SCLT1: variants seen among roughly 807,000 people sequenced by gnomAD.
The protein encoded by SCLT1 is sodium channel-associated protein 1.
SCLT1 carries 78 observed loss-of-function variants against 112.8 expected under a neutral mutation model. The ratio of observed to expected loss-of-function variants is 0.69; its 90% confidence interval spans 0.58 to 0.83. The LOEUF (loss-of-function observed/expected upper bound fraction) is 0.83. SCLT1 is among the 40% of genes least tolerant of loss of function. The pLI, the probability that SCLT1 is intolerant of heterozygous loss-of-function variation, is 0.00. For synonymous variants in SCLT1, 257 were observed against 254.7 expected, an observed-to-expected ratio of 1.01 and a Z score of -0.09; for missense variants, 747 against 770.4, an observed-to-expected ratio of 0.97 and a Z score of 0.36.
chr4:128,989,338 A>G (rs2126064834), intron 9 of SCLT1, among the ~76,000 whole-genome samples: 1 of 152,030 alleles, frequency 6.6e-6, no homozygotes, highest in Non-Finnish European at 1.5e-5. Flanking sequence ...TGAAAACCAC[A>G]CAAACAAGGA....
At chr4:128,958,405 A>G (rs1215349621) in intron 12 of SCLT1, among the ~76,000 whole-genome samples, 1 of 152,112 alleles carries the variant, frequency 6.6e-6, no homozygotes, top group Non-Finnish European at 1.5e-5. Context: ...GAAGATGGGA[A>G]CCCTCTAGCA....
chr4:129,086,760 G>T (rs1470600183), intron 1 of SCLT1, among the ~76,000 whole-genome samples: 1 of 152,044 alleles, frequency 6.6e-6, no homozygotes, highest in Non-Finnish European at 1.5e-5. Context: ...AAACAAACTG[G>T]GAAGCAGTCA....
At chr4:128,913,163 G>A (rs865958562) in intron 18 of SCLT1, among the ~76,000 whole-genome samples, 12 of 152,182 alleles carry the variant, frequency 7.9e-5, no homozygotes, top group African/African-American at 2.7e-4. Flanking sequence ...GCATTCTGTT[G>A]TTGTGGAAAA....
In SCLT1 at chr4:128,892,687, T is replaced by A. The variant is rs958745173; in HGVS notation, c.1830-1550A>T. Among the ~76,000 whole-genome samples, 3 of 152,222 alleles carry A rather than the reference T, an allele frequency of 2.0e-5. No individual in the cohort carries two copies. The South Asian group carries it at 6.2e-4, about 31-fold the overall frequency. On this transcript the variant is annotated intron_variant, in intron 18 of 20. Coordinates refer to ENST00000281142, the MANE Select transcript of SCLT1 (RefSeq NM_144643.4). Reference sequence around the variant, plus strand: ...ATACAAATAGTTACTGAACATTCGTTACAGGCCAGGTGCAAGGTATGTGGT... The same window carrying A: ...ATACAAATAGTTACTGAACATTCGTAACAGGCCAGGTGCAAGGTATGTGGT...
chr4:128,951,288 A>G (rs1341556868), intron 14 of SCLT1, among the ~76,000 whole-genome samples: 1 of 152,116 alleles, frequency 6.6e-6, no homozygotes, highest in Non-Finnish European at 1.5e-5. Context: ...TATTTTTAAC[A>G]TAATACTTCA....
intron 15 of SCLT1, among the ~76,000 whole-genome samples, chr4:128,947,942 C>T (rs1246025566): frequency 2.0e-5 from 3 of 152,030 alleles, no homozygotes; most frequent in African/African-American, 7.2e-5. Flanking sequence ...AGTGAAATTT[C>T]GTAGGATGAG....
chr4:129,015,094 G>C (rs1744871697), intron 5 of SCLT1, among the ~76,000 whole-genome samples: 1 of 152,116 alleles, frequency 6.6e-6, no homozygotes, highest in Non-Finnish European at 1.5e-5. Flanking sequence ...TGGCAGGGTG[G>C]GACTGGCTGG....
At chr4:129,052,834 T>TTG (rs1748940772) in intron 2 of SCLT1, among the ~76,000 whole-genome samples, 1 of 152,194 alleles carries the variant, frequency 6.6e-6, no homozygotes, top group Non-Finnish European at 1.5e-5. Flanking sequence ...GTGTCAATTT[T>TTG]ACATTTTTCT....
intron 2 of SCLT1, among the ~76,000 whole-genome samples, chr4:129,053,556 G>T (rs1297167482): frequency 1.9e-4 from 6 of 32,418 alleles, no homozygotes; most frequent in African/African-American, 7.7e-4. Context: ...TGCAATCCCT[G>T]ATTTTTTTTT....
intron 5 of SCLT1, among the ~76,000 whole-genome samples, chr4:129,009,176 T>C (rs1279773931): frequency 2.0e-5 from 3 of 152,150 alleles, no homozygotes; most frequent in African/African-American, 7.2e-5. Context: ...TCGTTATATA[T>C]CCAGTGATGG....
chr4:128,952,839 A>G lies in SCLT1; in HGVS notation c.1148T>C (p.Val383Ala), dbSNP rs781074061. ...QDATIRTKKE[V>A]ANTKKQCNIQ... is the part of the protein sequence containing the mutation. ...ATTACATTGTTTTTTGGTGTTTGCA[A>G]CCTGTAAATTAAGACATTTACTCAT... The change falls in exon 14 of 21, where the codon GTT becomes GCT. Residue 383 changes from valine to alanine, a missense_variant and splice_region_variant. This residue lies in a region of SCLT1 where 723 missense variants were observed against 721.3 expected (regional missense o/e 1.00). Transcript: ENST00000281142. The G allele has an allele frequency of 5.4e-6, 8 of 1,482,216 alleles. No individual in the cohort carries two copies. Among genetic ancestry groups the G allele is most frequent in the Non-Finnish European group, 7.5e-6 (8 of 1,060,116 alleles). The allele number at this position is 1,482,216 out of a possible 1,614,324, so 91.8% of individuals were successfully genotyped here.
chr4:129,044,972 T>A (rs74716392), intron 2 of SCLT1, among the ~76,000 whole-genome samples: 1 of 152,010 alleles, frequency 6.6e-6, no homozygotes, highest in South Asian at 2.1e-4. Flanking sequence ...CAGAAATAGA[T>A]TCAAGCATTT....
intron 5 of SCLT1, among the ~76,000 whole-genome samples, chr4:129,008,364 T>C (rs1443186662): frequency 2.6e-5 from 4 of 152,218 alleles, no homozygotes; most frequent in Non-Finnish European, 5.9e-5. Context: ...TGTCTCTCGA[T>C]TTCTATCACA....
In SCLT1 at chr4:128,997,904, T is replaced by C. The variant is rs745637861; in HGVS notation, c.585A>G (p.Gln195=). The C allele has an allele frequency of 5.3e-6, 8 of 1,514,542 alleles. No homozygotes were observed. The Admixed American group carries it at 1.2e-4, about 22-fold the overall frequency. The allele number at this position is 1,514,542 out of a possible 1,614,324, so 93.8% of individuals were successfully genotyped here. ...QLFDFQQLTK[Q]LHVTNENMEV... ...CCATGTTCTCATTAGTAACATGAAG[T>C]TGTTTGGTCAGTTGTTGAAAATCAA... Residue 195 remains glutamine, a synonymous_variant, in exon 8 of 21, where the codon CAA becomes CAG. Coordinates refer to ENST00000281142, the MANE Select transcript of SCLT1 (RefSeq NM_144643.4).
chr4:128,884,526 G>A lies in SCLT1; in HGVS notation c.2018C>T (p.Thr673Ile), dbSNP rs772537895. Residue 673 changes from threonine to isoleucine, a missense_variant, in exon 21 of 21, where the codon ACA (threonine) becomes ATA (isoleucine). Transcript: ENST00000281142. ...ASASQQLSVI[T>I]VQRRKAASLM... ...GGAGGCTGCTTTTCTTCTCTGCACT[G>A]TAATCACACTGAGCTGCAATTAAAA... is the stretch of plus-strand genomic sequence containing the variant. 4.4e-6 allele frequency: 7 copies of A among 1,598,952 alleles called. No homozygotes were observed. Among genetic ancestry groups the A allele is most frequent in the South Asian group, 1.1e-5 (1 of 90,682 alleles).
At chr4:128,969,681 TG>T (rs1299007995) in intron 10 of SCLT1, among the ~76,000 whole-genome samples, 5 of 152,182 alleles carry the variant, frequency 3.3e-5, no homozygotes, top group Admixed American at 6.5e-5. Flanking sequence ...GCCACAGCTG[TG>T]GGGGTTGGGA....
chr4:128,884,227 T>C lies in SCLT1; in HGVS notation c.*250A>G, dbSNP rs1407598808. Reference sequence around the variant, plus strand: ...AAGGAGGAATTAAAAAACAGACACATTGATGAAGGCAATGAGTTCTTCTCA... The same window carrying C: ...AAGGAGGAATTAAAAAACAGACACACTGATGAAGGCAATGAGTTCTTCTCA... On this transcript the variant is annotated 3_prime_UTR_variant, in exon 21 of 21. Coordinates refer to ENST00000281142, the MANE Select transcript of SCLT1 (RefSeq NM_144643.4). The C allele has an allele frequency of 1.5e-5, 5 of 337,588 alleles. No homozygotes were observed. Among genetic ancestry groups the C allele is most frequent in the East Asian group, 4.5e-5 (1 of 22,026 alleles). The allele number at this position is 337,588 out of a possible 1,614,324, so 20.9% of individuals were successfully genotyped here. A position where few individuals can be genotyped will look rare whatever the true frequency, so the allele number is the denominator to read the frequency against.
At chr4:129,000,897 A>ATT (rs1215976865) in intron 6 of SCLT1, among the ~76,000 whole-genome samples, 1 of 151,870 alleles carries the variant, frequency 6.6e-6, no homozygotes, top group East Asian at 1.9e-4. Context: ...CTTCTCCTAA[A>ATT]TAACCATTTC....
chr4:128,931,957 T>G (rs1229976238), intron 18 of SCLT1, among the ~76,000 whole-genome samples: 1 of 152,108 alleles, frequency 6.6e-6, no homozygotes, highest in Non-Finnish European at 1.5e-5. Flanking sequence ...CCTTTTTTTT[T>G]TTTTAACAAT....
Sources: allele counts gnomAD v4.1 joint callset (sites outside exome capture counted in the v4.1 genomes callset), GRCh38; gene constraint gnomAD v4.1.1; regional missense constraint gnomAD v4.1.1; transcripts MANE v1.5; gene names NCBI Gene and HGNC (gene_info 2026-07-23, HGNC 2026-07-21).